RIMS1: variants seen among roughly 807,000 people sequenced by gnomAD.
The protein encoded by RIMS1 is regulating synaptic membrane exocytosis protein 1.
RIMS1 carries 83 observed loss-of-function variants against 214.1 expected under a neutral mutation model. The observed-to-expected ratio is 0.39, with a 90% CI of 0.32 to 0.47. The LOEUF is 0.47. RIMS1 is among the 20% of genes least tolerant of loss of function. The pLI, the probability that RIMS1 is intolerant of heterozygous loss-of-function variation, is 0.99. For missense variants in RIMS1, 2,050 were observed against 2,161.8 expected (o/e 0.95, Z 1.03); for synonymous variants, 793 against 786.8 (o/e 1.01, Z -0.13).
chr6:72,224,348 A>G (rs1408702173), intron 6 of RIMS1, among the ~76,000 whole-genome samples: 1 of 152,218 alleles, frequency 6.6e-6, no homozygotes, highest in Admixed American at 6.5e-5. Context: ...GTAGGGCAGT[A>G]TCTTCAAGGA....
intron 29 of RIMS1, among the ~76,000 whole-genome samples, chr6:72,357,617 G>A (rs1345832388): frequency 6.6e-6 from 1 of 152,144 alleles, no homozygotes; most frequent in African/African-American, 2.4e-5. Flanking sequence ...CATGGCATTG[G>A]ATTCTACAGG....
chr6:72,188,325 A>G (rs1003048694), intron 6 of RIMS1, among the ~76,000 whole-genome samples: 2 of 152,188 alleles, frequency 1.3e-5, no homozygotes, highest in Non-Finnish European at 2.9e-5. Context: ...AATAAAGACA[A>G]TAATAAGGTA....
chr6:72,080,846 C>T (rs1833201805), intron 2 of RIMS1, among the ~76,000 whole-genome samples: 1 of 152,208 alleles, frequency 6.6e-6, no homozygotes, highest in African/African-American at 2.4e-5. Context: ...ACCTTACTTA[C>T]ACTTTAAAAA....
chr6:72,190,961 T>C (rs2463722), intron 6 of RIMS1, among the ~76,000 whole-genome samples: 107,795 of 152,102 alleles, frequency 0.71, 38,562 homozygotes, highest in East Asian at 0.84. Context: ...AGCAGGGCCT[T>C]GTTCCAAAAT....
chr6:72,024,567 C>G (rs967614415), intron 2 of RIMS1, among the ~76,000 whole-genome samples: 3 of 152,140 alleles, frequency 2.0e-5, no homozygotes, highest in Non-Finnish European at 4.4e-5. Flanking sequence ...TATATTTAGT[C>G]AGCAATGGCT....
chr6:72,325,669 CCCT>C (rs1405992157), intron 28 of RIMS1, among the ~76,000 whole-genome samples: 15 of 151,668 alleles, frequency 9.9e-5, no homozygotes, highest in Non-Finnish European at 2.1e-4. Flanking sequence ...TGTGCATAAG[CCCT>C]CAACACTGAA....
intron 2 of RIMS1, 147 bp downstream of exon 2, chr6:71,969,210 TA>T: frequency 1.3e-6 from 1 of 773,822 alleles, no homozygotes; most frequent in East Asian, 2.6e-5. Flanking sequence ...TAGATAAAAT[TA>T]GCTGAGCTCT....
intron 4 of RIMS1, among the ~76,000 whole-genome samples, chr6:72,152,147 A>T (rs1304296580): frequency 6.6e-6 from 1 of 152,192 alleles, no homozygotes; most frequent in Non-Finnish European, 1.5e-5. Context: ...TTTGGAGGGA[A>T]CAAACATCCA....
chr6:72,185,082 C>T (rs1042857487), intron 6 of RIMS1, among the ~76,000 whole-genome samples: 1 of 152,020 alleles, frequency 6.6e-6, no homozygotes, highest in Non-Finnish European at 1.5e-5. Flanking sequence ...TGAACAATGC[C>T]CCTAGCTACC....
chr6:72,045,286 TGA>T (rs1822659666), intron 2 of RIMS1, among the ~76,000 whole-genome samples: 1 of 151,920 alleles, frequency 6.6e-6, no homozygotes, highest in East Asian at 1.9e-4. Flanking sequence ...TAAAATATGA[TGA>T]GTCGTATTAT....
intron 4 of RIMS1, among the ~76,000 whole-genome samples, chr6:72,122,742 A>G (rs2038668842): frequency 6.6e-6 from 1 of 151,762 alleles, no homozygotes; most frequent in African/African-American, 2.4e-5. Flanking sequence ...CATTTCTTCT[A>G]GATTTTCTAG....
intron 15 of RIMS1, among the ~76,000 whole-genome samples, chr6:72,252,002 C>T (rs2073600620): frequency 6.6e-6 from 1 of 152,162 alleles, no homozygotes; most frequent in Non-Finnish European, 1.5e-5. Flanking sequence ...TGTGAGCCAC[C>T]ATGCCCAGCC....
chr6:72,287,565 A>G (rs1001818936), intron 24 of RIMS1, among the ~76,000 whole-genome samples: 1 of 152,032 alleles, frequency 6.6e-6, no homozygotes, highest in Non-Finnish European at 1.5e-5. Context: ...TCAGGCATAC[A>G]TAAGTTTGAA....
chr6:72,340,205 G>A (rs1401229858), intron 29 of RIMS1, among the ~76,000 whole-genome samples: 1 of 151,884 alleles, frequency 6.6e-6, no homozygotes, highest in Non-Finnish European at 1.5e-5. Flanking sequence ...AGATGAGTAG[G>A]TTGCAAAATT....
intron 1 of RIMS1, among the ~76,000 whole-genome samples, chr6:71,957,738 TTAAAAGTA>T (rs1279339294): frequency 6.6e-6 from 1 of 150,538 alleles, no homozygotes; most frequent in Non-Finnish European, 1.5e-5. Context: ...TATAGACATA[TTAAAAGTA>T]TAATAAACTA....
intron 1 of RIMS1, among the ~76,000 whole-genome samples, chr6:71,942,132 T>C (rs1326113478): frequency 1.3e-5 from 2 of 152,238 alleles, no homozygotes; most frequent in African/African-American, 2.4e-5. Flanking sequence ...TCTTTTATTC[T>C]GCAGATCTTC....
intron 1 of RIMS1, among the ~76,000 whole-genome samples, chr6:71,946,859 G>A (rs1168567453): frequency 1.3e-5 from 2 of 151,818 alleles, no homozygotes; most frequent in African/African-American, 2.4e-5. Flanking sequence ...ACAACCTAGG[G>A]TTTTAGAGAA....
chr6:72,126,683 G>A (rs2039569226), intron 4 of RIMS1: 1 of 261,764 alleles, frequency 3.8e-6, no homozygotes, highest in South Asian at 4.1e-5. Flanking sequence ...AAAATGCTCA[G>A]CATCACTGAT....
chr6:72,242,059 AG>A (rs2067187534), intron 9 of RIMS1, among the ~76,000 whole-genome samples: 1 of 152,246 alleles, frequency 6.6e-6, no homozygotes, highest in East Asian at 1.9e-4. Context: ...CAAAAGATAA[AG>A]GTAGTTTTGT....
Sources: allele counts gnomAD v4.1 joint callset (sites outside exome capture counted in the v4.1 genomes callset), GRCh38; gene constraint gnomAD v4.1.1; transcripts MANE v1.5; gene names NCBI Gene and HGNC (gene_info 2026-07-23, HGNC 2026-07-21).